The following CROCC variants were observed in gnomAD, a reference collection of about 807,000 sequenced individuals.
CROCC encodes the protein ciliary rootlet coiled-coil, rootletin, also known as rootletin.
In CROCC, 180 loss-of-function variants were observed where a neutral mutation model predicts 245.2. That is an observed-to-expected ratio of 0.73 (90% CI 0.65 to 0.83). The LOEUF (loss-of-function observed/expected upper bound fraction) is 0.83. CROCC is among the 40% of genes least tolerant of loss of function. CROCC has a pLI of 0.00. For missense variants in CROCC, 2,688 were observed against 2,779.4 expected, an observed-to-expected ratio of 0.97 and a Z score of 0.74; for synonymous variants, 1,205 against 1,241.6, an observed-to-expected ratio of 0.97 and a Z score of 0.62.
Position 16,966,416 on chromosome 1 carries a change from A to G in CROCC, c.4705A>G (p.Ser1569Gly), listed in dbSNP as rs951281105. Reference sequence around the variant, plus strand: ...GTGGGTGGTGGCTACAGCCCGGCGCAGTGTGGATGGGCGGCTGAGCGGGGT... The same window carrying G: ...GTGGGTGGTGGCTACAGCCCGGCGCGGTGTGGATGGGCGGCTGAGCGGGGT... Reference protein sequence around the residue: ...AVAESEEARRSVDGRLSGVQA... With the variant: ...AVAESEEARRGVDGRLSGVQA... The change falls in exon 30 of 37, where the codon AGT becomes GGT. Residue 1569 changes from serine to glycine, a missense_variant. Physicochemically the swap from Ser to Gly is moderately conservative, Grantham distance 56 (BLOSUM62 0). Around this residue, in one of 9 missense-constraint regions of CROCC, gnomAD observed 1,218 missense variants for 1,286.3 expected, o/e 0.95. Transcript: ENST00000375541. The surrounding 1 kb of genome is among the most constrained non-coding windows in gnomAD (Gnocchi z 4.8). The G allele has an allele frequency of 2.0e-6, 3 of 1,532,340 alleles. No individual in the cohort carries two copies. The highest frequency in any genetic ancestry group is 2.8e-5 in the African/African-American group (2 of 72,690). 94.9% of individuals were successfully genotyped at this position (1,532,340 alleles called of 1,614,324 possible).
At chr1:16,952,964 C>T in intron 20 of CROCC, 1 of 246,704 alleles carries the variant, frequency 4.1e-6, no homozygotes, top group South Asian at 7.5e-5. Context: ...TGTGACTCAC[C>T]ATGTCCCGTT....
chr1:16,956,051 A>C lies in CROCC; in HGVS notation c.3759A>C (p.Ala1253=), dbSNP rs1262193506. The change falls in exon 25 of 37, where the codon GCA becomes GCC. Residue 1253 remains alanine, a synonymous_variant. Coordinates refer to ENST00000375541, the MANE Select transcript of CROCC (RefSeq NM_014675.5). ...KEQKLALLEE[A]RTAVGKEAGE... is the part of the protein sequence containing the mutation. ...AGAAGCTGGCACTCCTAGAGGAGGC[A>C]CGGACAGCTGTGGGCAAGGAGGCCG... 1 of 1,551,012 alleles carries C rather than the reference A, an allele frequency of 6.4e-7. No individual in the cohort carries two copies. The highest frequency in any genetic ancestry group is 1.2e-5 in the South Asian group (1 of 84,068).
intron 24 of CROCC, 41 bp from the exon 25 acceptor site, chr1:16,955,956 T>C (rs1365918108): frequency 3.2e-6 from 5 of 1,547,874 alleles, no homozygotes; most frequent in Non-Finnish European, 4.4e-6. Flanking sequence ...CACTGACTAC[T>C]CCCAGGACCC....
intron 3 of CROCC, among the ~76,000 whole-genome samples, chr1:16,926,132 T>A (rs1261927942): frequency 2.6e-5 from 4 of 152,248 alleles, no homozygotes; most frequent in Admixed American, 1.3e-4. Context: ...CTGTGGTTAG[T>A]GGGGGCCCAA....
Position 16,922,818 on chromosome 1 carries a change from C to A in CROCC, c.196+20C>A. 1 of 1,605,866 alleles carries A rather than the reference C, an allele frequency of 6.2e-7. No homozygotes were observed. Among genetic ancestry groups the A allele is most frequent in the African/African-American group, 1.3e-5 (1 of 74,930 alleles). ...GCCCAGGTGCCACCCCCATCCGCTC[C>A]CCTCCACAAACACCACCCACATTTT... On this transcript the variant is annotated intron_variant, in intron 2 of 36. Coordinates refer to ENST00000375541, the MANE Select transcript of CROCC (RefSeq NM_014675.5).
Position 16,951,133 on chromosome 1 carries a change from C to G in CROCC, c.3006+11C>G. The G allele has an allele frequency of 1.3e-6, 2 of 1,500,448 alleles. No homozygotes were observed. Among genetic ancestry groups the G allele is most frequent in the Non-Finnish European group, 1.8e-6 (2 of 1,121,972 alleles). The allele number at this position is 1,500,448 out of a possible 1,614,324, so 92.9% of individuals were successfully genotyped here. On this transcript the variant is annotated intron_variant, in intron 20 of 36. Transcript: ENST00000375541. ...CTCCAGCGTGAAAAGGTTCAGGCAG[C>G]TGGGGAGGGGTGGGCAGGACTCTGA...
In CROCC at chr1:16,931,361, G is replaced by A. The variant is rs779403149; in HGVS notation, c.920G>A (p.Arg307Gln). The change falls in exon 8 of 37, where the codon CGG (arginine) becomes CAG (glutamine). Residue 307 changes from arginine to glutamine, a missense_variant. By Grantham distance (43) the Arg-to-Gln change is conservative (BLOSUM62 1). Around this residue, in one of 9 missense-constraint regions of CROCC, gnomAD observed 972 missense variants for 895.3 expected, o/e 1.09. Transcript: ENST00000375541. ...LLLWRQVVGF[R>Q]RLVSEVKMFT... ...CTCTGGAGGCAGGTGGTGGGGTTCC[G>A]GCGGCTGGTCAGCGAGGTGAAGATG... 48 of 1,612,276 alleles carry A rather than the reference G, an allele frequency of 3.0e-5. No individual in the cohort carries two copies. Among genetic ancestry groups the A allele is most frequent in the South Asian group, 5.5e-5 (5 of 90,934 alleles).
chr1:16,957,591 C>T (rs192263091), intron 25 of CROCC, among the ~76,000 whole-genome samples: 81 of 151,934 alleles, frequency 5.3e-4, no homozygotes, highest in African/African-American at 1.8e-3. Context: ...TACAGATGCC[C>T]GCCACCACAC....
chr1:16,933,268 C>A (rs1377583376), intron 8 of CROCC, among the ~76,000 whole-genome samples: 1 of 152,256 alleles, frequency 6.6e-6, no homozygotes, highest in Non-Finnish European at 1.5e-5. Context: ...GAGTTCGAGA[C>A]CAGCCTGGCC....
upstream of CROCC, among the ~76,000 whole-genome samples, chr1:16,917,437 A>G (rs2075320290): frequency 6.6e-6 from 1 of 152,126 alleles, no homozygotes; most frequent in South Asian, 2.1e-4. Context: ...GTAATCTTTG[A>G]GGGGCTTTTT....
chr1:16,914,918 CAG>C (rs1445807170), intron 1 of CROCC, among the ~76,000 whole-genome samples: 4 of 152,268 alleles, frequency 2.6e-5, no homozygotes, highest in East Asian at 1.9e-4. Context: ...CGCCAGAAAA[CAG>C]AGATTTCTGT....
At chr1:16,963,598 C>T (rs1423225441) in intron 27 of CROCC, among the ~76,000 whole-genome samples, 1 of 152,122 alleles carries the variant, frequency 6.6e-6, no homozygotes, top group Admixed American at 6.5e-5. Flanking sequence ...CCTCTGCGGC[C>T]AAGGCAGGAT....
intron 25 of CROCC, among the ~76,000 whole-genome samples, chr1:16,957,331 C>G (rs2076264354): frequency 1.3e-5 from 2 of 152,160 alleles, no homozygotes; most frequent in Admixed American, 6.5e-5. Flanking sequence ...CCCTTGAGCC[C>G]AGGAAGTCAA....
At chr1:16,924,577 C>T (rs968931396) in intron 3 of CROCC, 98 bp downstream of exon 3, 4 of 1,484,350 alleles carry the variant, frequency 2.7e-6, no homozygotes, top group African/African-American at 1.4e-5. Context: ...AAAGATGGGC[C>T]CTGGAGTCAG....
At chr1:16,964,363 CTTTCT>C (rs1226387770) in intron 27 of CROCC, among the ~76,000 whole-genome samples, 2 of 149,872 alleles carry the variant, frequency 1.3e-5, no homozygotes, top group Non-Finnish European at 3.0e-5. Flanking sequence ...TCCTTCCTTA[CTTTCT>C]TTTCTTTTCT....
intron 32 of CROCC, 137 bp downstream of exon 32, chr1:16,969,477 A>C (rs2076476376): frequency 1.1e-6 from 1 of 921,344 alleles, no homozygotes; most frequent in Admixed American, 2.6e-5. Context: ...CTTTGAAGGG[A>C]GGGCGTGGGC....
At position 16,922,010 on chromosome 1, in the gene CROCC, C is replaced by T. The variant is rs1221570422; in HGVS notation, c.-9C>T. ...AGGGGGCTGGAGGCATGCCCACAGC[C>T]TCCCCCCCATGAGCTTGGGGCTGGC... On this transcript the variant is annotated 5_prime_UTR_variant, in exon 1 of 37. Transcript: ENST00000375541. The T allele has an allele frequency of 1.9e-6, 3 of 1,550,480 alleles. No homozygotes were observed. Among genetic ancestry groups the T allele is most frequent in the Non-Finnish European group, 1.7e-6 (2 of 1,146,536 alleles).
chr1:16,964,275 A>G (rs956774987), intron 27 of CROCC, among the ~76,000 whole-genome samples: 13 of 150,652 alleles, frequency 8.6e-5, no homozygotes, highest in African/African-American at 3.0e-4. Context: ...CCTCCCAGGT[A>G]GCTGGGACTA....
chr1:16,918,194 C>T (rs1311703155), upstream of CROCC, among the ~76,000 whole-genome samples: 19 of 149,178 alleles, frequency 1.3e-4, no homozygotes, highest in South Asian at 4.4e-4. Context: ...AGTGAAGACA[C>T]TGGTGCAGGG....
Sources: gnomAD v4.1 joint callset for allele counts (sites outside exome capture counted in the v4.1 genomes callset) on GRCh38, gnomAD v4.1.1 for gene constraint, gnomAD v4.1.1 regional missense constraint, Gnocchi (gnomAD v3.1) non-coding constraint, MANE v1.5 for transcripts, NCBI Gene and HGNC (gene_info 2026-07-23, HGNC 2026-07-21) for gene names.